Variants in CARMIL1 observed in about 807,000 individuals in gnomAD.
CARMIL1 encodes the protein capping protein regulator and myosin 1 linker 1, also known as F-actin-uncapping protein LRRC16A.
CARMIL1 carries 90 observed loss-of-function variants against 177.1 expected under a neutral mutation model. That is an observed-to-expected ratio of 0.51 (90% CI 0.43 to 0.61). CARMIL1 has a LOEUF of 0.61. Ranked by LOEUF, CARMIL1 falls within the 20% of genes least tolerant of loss-of-function variation. The pLI, the probability that CARMIL1 is intolerant of heterozygous loss-of-function variation, is 0.00. For missense variants in CARMIL1, 1,380 were observed against 1,667.0 expected (o/e 0.83, Z 3.00); for synonymous variants, 577 against 606.2 (o/e 0.95, Z 0.71).
chr6:25,309,514 C>T (rs1053960761), intron 2 of CARMIL1, among the ~76,000 whole-genome samples: 1 of 151,202 alleles, frequency 6.6e-6, no homozygotes, highest in Non-Finnish European at 1.5e-5. Context: ...GAAACCTCTT[C>T]CCTTTAACAC....
rs1051545999 is a variant in CARMIL1 at position 25,441,355 on chromosome 6, G to A, written c.371+5751G>A. 9.1e-5 allele frequency among the ~76,000 whole-genome samples: 13 copies of A among 142,114 alleles called. 1 individual carries two copies. Among genetic ancestry groups the A allele is most frequent in the African/African-American group, 3.2e-4 (12 of 37,002 alleles). 93.2% of individuals were successfully genotyped at this position (142,114 alleles called of 152,430 possible). Reference sequence around the variant, plus strand: ...TATATATATGTGTGTGTGTGTGTGTGTGTGTGTGTGTGTGTGTCTATGTGT... The same window carrying A: ...TATATATATGTGTGTGTGTGTGTGTATGTGTGTGTGTGTGTGTCTATGTGT... On this transcript the variant is annotated intron_variant, in intron 5 of 36. Coordinates refer to ENST00000329474, the MANE Select transcript of CARMIL1 (RefSeq NM_017640.6).
At chr6:25,442,455 A>ACTGTGTGTGTGTATGTGTGT (rs1554196740) in intron 5 of CARMIL1, among the ~76,000 whole-genome samples, 2 of 143,826 alleles carry the variant, frequency 1.4e-5, no homozygotes, top group African/African-American at 5.2e-5. Flanking sequence ...TCTATTTAAC[A>ACTGTGTGTGTGTATGTGTGT]GTGTGTGTGT....
intron 2 of CARMIL1, among the ~76,000 whole-genome samples, chr6:25,322,421 C>G (rs1041697732): frequency 6.6e-6 from 1 of 152,228 alleles, no homozygotes; most frequent in African/African-American, 2.4e-5. Flanking sequence ...CTATGCCCAG[C>G]CTTCACTGCT....
chr6:25,472,422 C>A lies in CARMIL1; in HGVS notation c.780-5C>A. ...ATTTAATCTTATTGTTTTGTTTACA[C>A]GCAGAGATTTTGCACAAAAACTGGC... On this transcript the variant is annotated splice_polypyrimidine_tract_variant and splice_region_variant and intron_variant, in intron 10 of 36. Coordinates refer to ENST00000329474, the MANE Select transcript of CARMIL1 (RefSeq NM_017640.6). 1 of 1,553,262 alleles carries A rather than the reference C, an allele frequency of 6.4e-7. No homozygotes were observed. The highest frequency in any genetic ancestry group is 8.7e-7 in the Non-Finnish European group (1 of 1,143,410).
At chr6:25,603,461 C>A (rs997065933) in intron 33 of CARMIL1, among the ~76,000 whole-genome samples, 1 of 152,184 alleles carries the variant, frequency 6.6e-6, no homozygotes, top group African/African-American at 2.4e-5. Context: ...CTGATAGAGC[C>A]AGCACTCCTG....
At chr6:25,618,192 G>A (rs1255387677) in intron 36 of CARMIL1, among the ~76,000 whole-genome samples, 1 of 151,726 alleles carries the variant, frequency 6.6e-6, no homozygotes, top group Non-Finnish European at 1.5e-5. Flanking sequence ...TGACTGTTAG[G>A]TTTAATGAGC....
intron 3 of CARMIL1, among the ~76,000 whole-genome samples, chr6:25,423,900 C>T (rs900229814): frequency 6.6e-6 from 1 of 152,168 alleles, no homozygotes; most frequent in Non-Finnish European, 1.5e-5. Context: ...GTCTTCCTGC[C>T]TCTTCCTGCC....
At chr6:25,344,238 A>G (rs933366943) in intron 2 of CARMIL1, among the ~76,000 whole-genome samples, 8 of 152,068 alleles carry the variant, frequency 5.3e-5, no homozygotes, top group South Asian at 2.1e-4. Context: ...TCCAACCTCA[A>G]TAGTCCATTG....
At chr6:25,598,166 T>C (rs1267509350) in intron 32 of CARMIL1, among the ~76,000 whole-genome samples, 1 of 152,100 alleles carries the variant, frequency 6.6e-6, no homozygotes, top group Non-Finnish European at 1.5e-5. Context: ...TCATGTCCTT[T>C]GTTGCTGAAT....
At chr6:25,434,850 G>T (rs542136048) in intron 4 of CARMIL1, among the ~76,000 whole-genome samples, 1 of 152,110 alleles carries the variant, frequency 6.6e-6, no homozygotes, top group East Asian at 1.9e-4. Flanking sequence ...GTGCCCTGCC[G>T]ATCGAAACTT....
At chr6:25,367,926 AT>A (rs1790007546) in intron 2 of CARMIL1, among the ~76,000 whole-genome samples, 1 of 152,016 alleles carries the variant, frequency 6.6e-6, no homozygotes. Context: ...TACCCGGCTG[AT>A]TTTTGCATTT....
intron 18 of CARMIL1, among the ~76,000 whole-genome samples, chr6:25,510,154 A>G (rs1460940063): frequency 6.6e-6 from 1 of 152,094 alleles, no homozygotes; most frequent in East Asian, 1.9e-4. Flanking sequence ...GACAACTTTA[A>G]CTCCACTTAC....
intron 2 of CARMIL1, among the ~76,000 whole-genome samples, chr6:25,331,082 G>T (rs1433223791): frequency 2.6e-5 from 4 of 152,118 alleles, no homozygotes; most frequent in African/African-American, 9.7e-5. Context: ...CTGGGAGGAG[G>T]CACTCAGTAT....
At chr6:25,564,401 G>A (rs928487183) in intron 29 of CARMIL1, among the ~76,000 whole-genome samples, 1 of 152,268 alleles carries the variant, frequency 6.6e-6, no homozygotes, top group South Asian at 2.1e-4. Context: ...TTACTGAAGA[G>A]TGCTTTTGCC....
At chr6:25,315,133 G>C (rs548545183) in intron 2 of CARMIL1, among the ~76,000 whole-genome samples, 7 of 152,206 alleles carry the variant, frequency 4.6e-5, no homozygotes, top group Admixed American at 3.9e-4. Context: ...GCAGTCTTTA[G>C]GTGTCCTCCC....
chr6:25,387,682 CA>C (rs1792316598), intron 2 of CARMIL1, among the ~76,000 whole-genome samples: 2 of 152,310 alleles, frequency 1.3e-5, no homozygotes, highest in Admixed American at 1.3e-4. Context: ...ACATTAAACA[CA>C]ATGAGTGTGA....
chr6:25,330,892 T>A (rs1056336797), intron 2 of CARMIL1, among the ~76,000 whole-genome samples: 19 of 69,966 alleles, frequency 2.7e-4, no homozygotes, highest in Admixed American at 1.8e-3. Context: ...CAAGAGGTTT[T>A]TTTTTTTTTT....
chr6:25,511,791 T>G (rs1249629912), intron 20 of CARMIL1, among the ~76,000 whole-genome samples: 2 of 152,194 alleles, frequency 1.3e-5, no homozygotes, highest in Non-Finnish European at 2.9e-5. Context: ...GGCTCTGAGC[T>G]GGTGGGCAGG....
chr6:25,593,684 G>A (rs1814541784), intron 31 of CARMIL1, among the ~76,000 whole-genome samples: 1 of 152,026 alleles, frequency 6.6e-6, no homozygotes, highest in African/African-American at 2.4e-5. Context: ...TTTTATCCTT[G>A]GGCCTCCCCA....
Sources: allele counts gnomAD v4.1 joint callset (sites outside exome capture counted in the v4.1 genomes callset), GRCh38; gene constraint gnomAD v4.1.1; transcripts MANE v1.5; gene names NCBI Gene and HGNC (gene_info 2026-07-23, HGNC 2026-07-21).